Variants in SPAG16 observed in about 807,000 individuals in gnomAD.
SPAG16 encodes the protein sperm-associated antigen 16 protein.
In SPAG16, 86 loss-of-function variants were observed where a neutral mutation model predicts 80.4. The ratio of observed to expected loss-of-function variants is 1.07; its 90% CI spans 0.90 to 1.28. The LOEUF is 1.28. Ranked by LOEUF, SPAG16 falls within the 50% of genes most tolerant of loss-of-function variation. The pLI is 0.00. For synonymous variants in SPAG16, 294 were observed against 265.9 expected (o/e 1.11, Z -1.03); for missense variants, 870 against 765.3 (o/e 1.14, Z -1.61).
chr2:213,396,718 C>T (rs1331097910), intron 9 of SPAG16: 1 of 444,904 alleles, frequency 2.2e-6, no homozygotes, highest in Non-Finnish European at 4.5e-6. Flanking sequence ...GGACATTTGT[C>T]AGCAGGAGCC....
intron 13 of SPAG16, among the ~76,000 whole-genome samples, chr2:214,043,645 G>T (rs1171054811): frequency 1.3e-5 from 2 of 152,144 alleles, no homozygotes; most frequent in African/African-American, 4.8e-5. Context: ...CCTGGTTGCA[G>T]CTCTGGTCTA....
intron 10 of SPAG16, among the ~76,000 whole-genome samples, chr2:213,793,320 T>A (rs1362690932): frequency 6.6e-6 from 1 of 152,016 alleles, no homozygotes; most frequent in Non-Finnish European, 1.5e-5. Context: ...ACCCCAAACA[T>A]ACAAAGCAAC....
chr2:214,032,128 C>T (rs2048445860), intron 13 of SPAG16, among the ~76,000 whole-genome samples: 1 of 152,170 alleles, frequency 6.6e-6, no homozygotes, highest in African/African-American at 2.4e-5. Context: ...TGGTTCACCT[C>T]CCAAATAAAT....
intron 10 of SPAG16, among the ~76,000 whole-genome samples, chr2:213,503,183 AT>A (rs1469674463): frequency 1.3e-5 from 2 of 152,144 alleles, no homozygotes; most frequent in Non-Finnish European, 2.9e-5. Flanking sequence ...CCATGAATCA[AT>A]TTTTTGCCTC....
chr2:214,236,587 G>A (rs775163912), intron 15 of SPAG16, among the ~76,000 whole-genome samples: 2 of 151,744 alleles, frequency 1.3e-5, no homozygotes, highest in Non-Finnish European at 2.9e-5. Context: ...AGGAGGCAGA[G>A]GTTATAGTGA....
chr2:213,426,805 A>G (rs983606335), intron 9 of SPAG16, among the ~76,000 whole-genome samples: 3 of 139,218 alleles, frequency 2.2e-5, no homozygotes, highest in African/African-American at 7.7e-5. Flanking sequence ...ATTTAAAAGG[A>G]TGAACTTTTT....
At chr2:213,812,044 G>A (rs2072191244) in intron 10 of SPAG16, among the ~76,000 whole-genome samples, 1 of 152,176 alleles carries the variant, frequency 6.6e-6, no homozygotes, top group Non-Finnish European at 1.5e-5. Context: ...GCATGGTAAA[G>A]AGGAGGTGGA....
At chr2:213,723,938 G>T (rs747439159) in intron 10 of SPAG16, among the ~76,000 whole-genome samples, 9 of 152,090 alleles carry the variant, frequency 5.9e-5, no homozygotes, top group Non-Finnish European at 1.3e-4. Flanking sequence ...AGATTACTTA[G>T]GTAGCTTGCT....
At chr2:214,309,016 G>C (rs1695111281) in intron 15 of SPAG16, among the ~76,000 whole-genome samples, 1 of 151,186 alleles carries the variant, frequency 6.6e-6, no homozygotes, top group Non-Finnish European at 1.5e-5. Flanking sequence ...ATCTCTTTCA[G>C]GTACACCAAG....
chr2:214,210,986 A>T (rs529796680), intron 15 of SPAG16, among the ~76,000 whole-genome samples: 13 of 152,308 alleles, frequency 8.5e-5, no homozygotes, highest in African/African-American at 2.9e-4. Flanking sequence ...TATTTAAGTG[A>T]TAAACCAAAG....
intron 10 of SPAG16, among the ~76,000 whole-genome samples, chr2:213,669,488 C>T (rs2063736084): frequency 6.6e-6 from 1 of 152,134 alleles, no homozygotes; most frequent in Non-Finnish European, 1.5e-5. Context: ...CACAAATATT[C>T]AATGAATAGT....
At chr2:213,759,472 G>A (rs1263430286) in intron 10 of SPAG16, among the ~76,000 whole-genome samples, 1 of 151,794 alleles carries the variant, frequency 6.6e-6, no homozygotes, top group Non-Finnish European at 1.5e-5. Context: ...ATATAATTTT[G>A]TGACATCAAA....
chr2:214,214,605 T>C (rs1224514441), intron 15 of SPAG16, among the ~76,000 whole-genome samples: 3 of 152,036 alleles, frequency 2.0e-5, no homozygotes, highest in Non-Finnish European at 2.9e-5. Flanking sequence ...TTCTTACCCA[T>C]CTCCAAATGA....
In SPAG16 at chr2:214,227,092, CA is replaced by C. The variant is rs2058714053; in HGVS notation, c.1720+77828del. Among the ~76,000 whole-genome samples, 5 of 151,980 alleles carry C rather than the reference CA, an allele frequency of 3.3e-5. No homozygotes were observed. In the South Asian group the frequency reaches 1.0e-3, roughly 32 times the overall value. On this transcript the variant is annotated intron_variant, in intron 15 of 15. Coordinates refer to ENST00000331683, the MANE Select transcript of SPAG16 (RefSeq NM_024532.5). Reference sequence around the variant, plus strand: ...TTTCCAGAAGGTCTTTTAATATAAGCAATTAATTTTTAAAATGTTACAATAA... The same window carrying C: ...TTTCCAGAAGGTCTTTTAATATAAGCATTAATTTTTAAAATGTTACAATAA...
At chr2:213,535,788 C>T (rs2076223481) in intron 10 of SPAG16, among the ~76,000 whole-genome samples, 1 of 152,096 alleles carries the variant, frequency 6.6e-6, no homozygotes, top group South Asian at 2.1e-4. Flanking sequence ...CAAATGACTA[C>T]ATTCTAACTG....
At chr2:214,031,375 G>T (rs557536435) in intron 13 of SPAG16, among the ~76,000 whole-genome samples, 1 of 138,074 alleles carries the variant, frequency 7.2e-6, no homozygotes, top group East Asian at 2.2e-4. Context: ...ACTCATAGGT[G>T]GGAATTGAAC....
At chr2:214,248,325 A>G (rs902562368) in intron 15 of SPAG16, among the ~76,000 whole-genome samples, 1 of 124,980 alleles carries the variant, frequency 8.0e-6, no homozygotes, top group Non-Finnish European at 1.7e-5. Flanking sequence ...TATTATTATT[A>G]TTATTATTAT....
chr2:213,760,830 A>G (rs2068617143), intron 10 of SPAG16, among the ~76,000 whole-genome samples: 1 of 152,228 alleles, frequency 6.6e-6, no homozygotes, highest in South Asian at 2.1e-4. Context: ...TGGTGCCAAC[A>G]TTTGGCAAGG....
chr2:213,982,646 TGTGA>T (rs888027363), intron 12 of SPAG16, among the ~76,000 whole-genome samples: 10 of 150,736 alleles, frequency 6.6e-5, no homozygotes, highest in African/African-American at 2.5e-4. Flanking sequence ...TGTGTGTGTG[TGTGA>T]AAGACAGAGT....
Sources: gnomAD v4.1 joint callset for allele counts (sites outside exome capture counted in the v4.1 genomes callset) on GRCh38, gnomAD v4.1.1 for gene constraint, MANE v1.5 for transcripts, NCBI Gene and HGNC (gene_info 2026-07-23, HGNC 2026-07-21) for gene names.